Variants in PCNT observed in about 807,000 individuals in gnomAD.
The protein encoded by PCNT is kendrin.
A neutral mutation model predicts 380.4 loss-of-function variants in PCNT; 319 were observed. The observed-to-expected ratio is 0.84, with a 90% confidence interval of 0.77 to 0.92. The LOEUF (loss-of-function observed/expected upper bound fraction) is 0.92. Ranked by LOEUF, PCNT falls within the 40% of genes least tolerant of loss-of-function variation. The pLI is 0.00. For missense variants in PCNT, 4,400 were observed against 4,255.3 expected (o/e 1.03, Z -0.95); for synonymous variants, 1,845 against 1,735.2 (o/e 1.06, Z -1.57).
chr21:46,401,679 G>C lies in PCNT; in HGVS notation c.4920G>C (p.Gln1640His), dbSNP rs952202869. 2 of 1,613,980 alleles carry C rather than the reference G, an allele frequency of 1.2e-6. No homozygotes were observed. Among genetic ancestry groups the C allele is most frequent in the African/African-American group, 2.7e-5 (2 of 74,910 alleles). ...GCCCTCCTGAGGGTCCAGAAATACAGTTAGAGGTGACACAGAGAGCACTCC... is the reference window on the plus strand; with the variant it reads ...GCCCTCCTGAGGGTCCAGAAATACACTTAGAGGTGACACAGAGAGCACTCC... ...SGSPPEGPEIQLEVTQRALLR... is the reference protein window; with the variant it reads ...SGSPPEGPEIHLEVTQRALLR... The change falls in exon 26 of 47, where the codon CAG becomes CAC. Residue 1640 changes from glutamine to histidine, a missense_variant. Physicochemically the swap from Gln to His is conservative, Grantham distance 24 (BLOSUM62 0). Coordinates refer to ENST00000359568, the MANE Select transcript of PCNT (RefSeq NM_006031.6).
chr21:46,399,982 C>A (rs2086367057), intron 25 of PCNT, among the ~76,000 whole-genome samples, 186 bp downstream of exon 25: 1 of 152,142 alleles, frequency 6.6e-6, no homozygotes, highest in African/African-American at 2.4e-5. Context: ...GTACTTTGAC[C>A]TTTCTGGAGA....
At position 46,418,263 on chromosome 21, in the gene PCNT, A is replaced by C; in HGVS notation, c.6981A>C (p.Ser2327=). The C allele has an allele frequency of 6.2e-7, 1 of 1,609,486 alleles. No homozygotes were observed. The highest frequency in any genetic ancestry group is 1.3e-5 in the African/African-American group (1 of 74,916). The change falls in exon 31 of 47, where the codon TCA becomes TCC. Residue 2327 remains serine (S), a synonymous_variant. Coordinates refer to ENST00000359568, the MANE Select transcript of PCNT (RefSeq NM_006031.6). ...TTGATTCTCAAGAAACATTAAGTTCACCTCCTCCTGGATTAGAAGGAAAAG... is the reference window on the plus strand; with the variant it reads ...TTGATTCTCAAGAAACATTAAGTTCCCCTCCTCCTGGATTAGAAGGAAAAG... ...TSFDSQETLS[S]PPPGLEGKAD... is the part of the protein sequence containing the mutation.
In PCNT at chr21:46,402,335, TG is replaced by T. The variant is rs745830112; in HGVS notation, c.4969del (p.Asp1657ThrfsTer2). On this transcript the variant is annotated frameshift_variant, in exon 27 of 47. Coordinates refer to ENST00000359568, the MANE Select transcript of PCNT (RefSeq NM_006031.6). LOFTEE classifies it high-confidence loss of function. ...RALLRRESEV[L>X]DLKEQLEKMK... ...CTTCTTTTGTTTTAATGAAAGGTTT[TG>T]GACTTAAAAGAACAGCTAGAAAAGA... The T allele has an allele frequency of 6.3e-7, 1 of 1,597,848 alleles. No homozygotes were observed. Among genetic ancestry groups the T allele is most frequent in the South Asian group, 1.1e-5 (1 of 90,632 alleles).
chr21:46,353,592 G>A (rs1414564469), intron 10 of PCNT, among the ~76,000 whole-genome samples: 3 of 151,874 alleles, frequency 2.0e-5, no homozygotes, highest in Middle Eastern at 3.4e-3. Context: ...AGGCCAGCAT[G>A]TGTGTGTGTG....
intron 14 of PCNT, among the ~76,000 whole-genome samples, chr21:46,364,229 G>A (rs1316210858): frequency 1.3e-5 from 2 of 152,048 alleles, no homozygotes; most frequent in Non-Finnish European, 2.9e-5. Flanking sequence ...TGGCCGCAGT[G>A]GGACAGCTTT....
intron 10 of PCNT, among the ~76,000 whole-genome samples, chr21:46,353,621 C>T (rs911096478): frequency 6.6e-6 from 1 of 151,012 alleles, no homozygotes; most frequent in South Asian, 2.1e-4. Context: ...TCAGTGGGCA[C>T]GCTCTTGTCC....
At chr21:46,370,449 G>A (rs991089520) in intron 15 of PCNT, among the ~76,000 whole-genome samples, 1 of 151,580 alleles carries the variant, frequency 6.6e-6, no homozygotes, top group African/African-American at 2.4e-5. Context: ...CAGCTGGGGG[G>A]ATAGTGAGGG....
chr21:46,371,518 A>G (rs1004230758), intron 15 of PCNT, among the ~76,000 whole-genome samples: 1 of 152,100 alleles, frequency 6.6e-6, no homozygotes, highest in Non-Finnish European at 1.5e-5. Flanking sequence ...TCAGTTTTTT[A>G]AAATCTTGTG....
intron 19 of PCNT, among the ~76,000 whole-genome samples, 159 bp from the exon 20 acceptor site, chr21:46,390,511 G>A (rs2085995083): frequency 6.6e-6 from 1 of 152,074 alleles, no homozygotes. Flanking sequence ...TGTCTCGGAG[G>A]GTGGCTGAGA....
chr21:46,368,379 C>T (rs539275014), intron 15 of PCNT, among the ~76,000 whole-genome samples: 4 of 151,250 alleles, frequency 2.6e-5, no homozygotes, highest in South Asian at 2.1e-4. Flanking sequence ...ACCCGGGAGG[C>T]GGAGCTTGCA....
At chr21:46,445,134 T>C in intron 46 of PCNT, 150 bp from the exon 47 acceptor site, 1 of 706,080 alleles carries the variant, frequency 1.4e-6, no homozygotes, top group Non-Finnish European at 2.6e-6. Context: ...CAGTGTTTCT[T>C]AAATATCATA....
intron 15 of PCNT, among the ~76,000 whole-genome samples, chr21:46,375,054 T>A (rs1884792361): frequency 6.6e-6 from 1 of 152,184 alleles, no homozygotes; most frequent in South Asian, 2.1e-4. Flanking sequence ...GTGATTGGAT[T>A]ACTTTCCGGG....
chr21:46,328,805 ACT>A (rs991654399), intron 2 of PCNT, among the ~76,000 whole-genome samples: 3 of 144,730 alleles, frequency 2.1e-5, no homozygotes, highest in Non-Finnish European at 3.0e-5. Context: ...GCGAAGTCTC[ACT>A]CTGTCATCCA....
intron 24 of PCNT, among the ~76,000 whole-genome samples, chr21:46,399,293 A>AGGTCTCCCTGTGCAGCCTCTGG (rs2086332167): frequency 3.4e-5 from 2 of 58,694 alleles, no homozygotes; most frequent in Non-Finnish European, 7.0e-5. Context: ...TCAGCCTGTG[A>AGGTCTCCCTGTGCAGCCTCTGG]GTCTGGGTCT....
chr21:46,330,416 G>T (rs1225748606), intron 2 of PCNT, among the ~76,000 whole-genome samples: 1 of 152,138 alleles, frequency 6.6e-6, no homozygotes, highest in Non-Finnish European at 1.5e-5. Flanking sequence ...ATCCCACCTG[G>T]CTAAAATTTA....
At chr21:46,429,328 A>G (rs182793782) in intron 35 of PCNT, among the ~76,000 whole-genome samples, 1,399 of 68,994 alleles carry the variant, frequency 0.02, 22 homozygotes, top group Middle Eastern at 0.078. Context: ...CGTGAGAGGC[A>G]TGGGGGGGCT....
At chr21:46,444,364 TATCAC>T (rs2053694810) in intron 45 of PCNT, among the ~76,000 whole-genome samples, 1 of 152,130 alleles carries the variant, frequency 6.6e-6, no homozygotes, top group South Asian at 2.1e-4. Flanking sequence ...GTGGGGCAGG[TATCAC>T]CCTGACAAAC....
intron 27 of PCNT, among the ~76,000 whole-genome samples, chr21:46,405,215 A>G (rs1233920451): frequency 6.6e-6 from 1 of 152,236 alleles, no homozygotes; most frequent in Non-Finnish European, 1.5e-5. Flanking sequence ...CTGTAATGAC[A>G]GAACAGGACC....
chr21:46,445,295 A>G lies in PCNT; in HGVS notation c.9979A>G (p.Lys3327Glu). The stretch of plus-strand genomic sequence containing the variant: ...TTATTTATATGCAGATTCTACTTCA[A>G]AGAAATCCTGCCACCCGATGATTAA... ...LGGVLPDSTS[K>E]KSCHPMIKQ The change falls in exon 47 of 47, where the codon AAG (lysine) becomes GAG (glutamate). Residue 3327 changes from lysine to glutamate, a missense_variant. By Grantham distance (56) the Lys-to-Glu change is moderately conservative. Coordinates refer to ENST00000359568, the MANE Select transcript of PCNT (RefSeq NM_006031.6). 6.2e-7 allele frequency: 1 copy of G among 1,608,960 alleles called. No individual in the cohort carries two copies. The highest frequency in any genetic ancestry group is 8.5e-7 in the Non-Finnish European group (1 of 1,175,248).
Sources: gnomAD v4.1 joint callset for allele counts (sites outside exome capture counted in the v4.1 genomes callset) on GRCh38, gnomAD v4.1.1 for gene constraint, MANE v1.5 for transcripts, NCBI Gene and HGNC (gene_info 2026-07-23, HGNC 2026-07-21) for gene names.